Variants in TTC39B observed in about 807,000 individuals in gnomAD.
TTC39B encodes the protein tetratricopeptide repeat protein 39B.
In TTC39B, 92 loss-of-function variants were observed where a neutral mutation model predicts 96.6. The ratio of observed to expected loss-of-function variants is 0.95; its 90% confidence interval spans 0.80 to 1.13. The LOEUF is 1.13. Among genes scored for constraint, TTC39B ranks in the 50% most tolerant of loss-of-function variants. TTC39B has a pLI of 0.00. For missense variants in TTC39B, 955 were observed against 809.3 expected, an observed-to-expected ratio of 1.18 and a Z score of -2.18; for synonymous variants, 367 against 299.4, an observed-to-expected ratio of 1.23 and a Z score of -2.33.
At chr9:15,208,232 C>T (rs1819989032) in intron 6 of TTC39B, among the ~76,000 whole-genome samples, 1 of 151,670 alleles carries the variant, frequency 6.6e-6, no homozygotes, top group Non-Finnish European at 1.5e-5. Flanking sequence ...ACCATGTTGG[C>T]CAGGCTCGTC....
At chr9:15,262,115 T>C (rs1234834248) in intron 2 of TTC39B, among the ~76,000 whole-genome samples, 1 of 152,210 alleles carries the variant, frequency 6.6e-6, no homozygotes, top group Non-Finnish European at 1.5e-5. Context: ...TTATTATTTT[T>C]TGAGATGGAG....
intron 2 of TTC39B, among the ~76,000 whole-genome samples, chr9:15,260,160 T>C (rs940874296): frequency 1.3e-5 from 2 of 152,128 alleles, no homozygotes; most frequent in African/African-American, 2.4e-5. Flanking sequence ...GGGTTTTTTT[T>C]CCTTCCCTAC....
intron 7 of TTC39B, among the ~76,000 whole-genome samples, chr9:15,201,446 A>G (rs761114227): frequency 6.6e-6 from 1 of 152,190 alleles, no homozygotes; most frequent in Non-Finnish European, 1.5e-5. Context: ...ATGAGAACAC[A>G]AAGTAGTGGC....
intron 2 of TTC39B, among the ~76,000 whole-genome samples, chr9:15,229,623 G>A (rs556471719): frequency 3.3e-5 from 5 of 152,228 alleles, no homozygotes; most frequent in Admixed American, 2.0e-4. Context: ...TCACTGACAT[G>A]CGTTGATTCC....
At chr9:15,266,473 A>T (rs1823134761) in intron 2 of TTC39B, among the ~76,000 whole-genome samples, 2 of 152,232 alleles carry the variant, frequency 1.3e-5, no homozygotes, top group African/African-American at 4.8e-5. Flanking sequence ...ATGTATTTTT[A>T]AAATAATTTT....
exon 12 of TTC39B, chr9:15,189,727 T>C (rs770464135): frequency 4.1e-5 from 66 of 1,613,886 alleles, no homozygotes; most frequent in Non-Finnish European, 5.6e-5. Context: ...GAGCGTACAT[T>C]TGGAAACTGC....
At chr9:15,240,442 AC>A (rs1403142891) in intron 2 of TTC39B, among the ~76,000 whole-genome samples, 1 of 151,892 alleles carries the variant, frequency 6.6e-6, no homozygotes, top group Non-Finnish European at 1.5e-5. Flanking sequence ...CAAAACTGTA[AC>A]CCTTAGTATT....
At chr9:15,189,704 A>G (rs1262207436) in intron 12 of TTC39B, 21 bp downstream of exon 12, 11 of 1,613,918 alleles carry the variant, frequency 6.8e-6, no homozygotes, top group Non-Finnish European at 8.5e-6. Context: ...TGAAACATAC[A>G]CTTTGAAATA....
chr9:15,220,234 G>A (rs1377926964), intron 3 of TTC39B, among the ~76,000 whole-genome samples: 2 of 152,150 alleles, frequency 1.3e-5, no homozygotes, highest in Non-Finnish European at 2.9e-5. Context: ...CTGCCCTCAA[G>A]AGCTCCATGG....
At chr9:15,294,695 G>A (rs963484223) in intron 1 of TTC39B, among the ~76,000 whole-genome samples, 7 of 152,176 alleles carry the variant, frequency 4.6e-5, no homozygotes, top group African/African-American at 1.7e-4. Context: ...GGAGTCCTGG[G>A]TATTAGCCTG....
intron 15 of TTC39B, 91 bp from the exon 16 acceptor site, chr9:15,185,497 C>A: frequency 1.3e-6 from 2 of 1,560,956 alleles, no homozygotes; most frequent in Non-Finnish European, 1.7e-6. Context: ...CTTCACAGAC[C>A]ACCAGCAGCA....
chr9:15,164,716 T>G (rs1419026191), exon 20 of TTC39B: 1 of 147,714 alleles, frequency 6.8e-6, no homozygotes, highest in East Asian at 2.0e-4. Flanking sequence ...TTCATTCAGG[T>G]GTTTGGATGT....
intron 1 of TTC39B, among the ~76,000 whole-genome samples, chr9:15,276,285 G>A (rs569835315): frequency 5.3e-5 from 8 of 152,242 alleles, no homozygotes; most frequent in African/African-American, 1.4e-4. Context: ...GTGTGCTTCA[G>A]GCCTGCTGTT....
At chr9:15,260,988 A>G (rs1307239851) in intron 2 of TTC39B, among the ~76,000 whole-genome samples, 2 of 152,226 alleles carry the variant, frequency 1.3e-5, no homozygotes, top group Non-Finnish European at 2.9e-5. Flanking sequence ...ATGCTCTGGA[A>G]TATGAAAGAC....
chr9:15,286,079 T>A (rs927382715), intron 1 of TTC39B, among the ~76,000 whole-genome samples: 28 of 152,242 alleles, frequency 1.8e-4, no homozygotes, highest in Non-Finnish European at 2.1e-4. Context: ...AGTGCATGTT[T>A]CCTAAAAATA....
At chr9:15,296,643 T>C (rs1054775382) in intron 1 of TTC39B, among the ~76,000 whole-genome samples, 37 of 152,160 alleles carry the variant, frequency 2.4e-4, no homozygotes, top group Non-Finnish European at 7.3e-5. Flanking sequence ...TACAGGCATA[T>C]GCCACCATGC....
At chr9:15,203,424 T>A (rs1168989533) in intron 7 of TTC39B, among the ~76,000 whole-genome samples, 5 of 151,300 alleles carry the variant, frequency 3.3e-5, no homozygotes, top group Non-Finnish European at 7.4e-5. Flanking sequence ...CTAATTTTTT[T>A]TTTTTTTTGT....
At chr9:15,288,437 G>A (rs999843494) in intron 1 of TTC39B, among the ~76,000 whole-genome samples, 2 of 152,196 alleles carry the variant, frequency 1.3e-5, no homozygotes, top group Admixed American at 6.5e-5. Context: ...AAGAGAAGGA[G>A]TATCTGAATG....
chr9:15,167,274 G>A (rs1467376414), exon 20 of TTC39B: 1 of 119,764 alleles, frequency 8.3e-6, no homozygotes, highest in East Asian at 2.5e-4. Context: ...TCAAACCCCT[G>A]GTCCCAAGTG....
Sources: allele counts gnomAD v4.1 joint callset (sites outside exome capture counted in the v4.1 genomes callset), GRCh38; gene constraint gnomAD v4.1.1; transcripts MANE v1.5; gene names NCBI Gene and HGNC (gene_info 2026-07-23, HGNC 2026-07-21).